Variants in SLC26A4 observed in about 807,000 individuals in gnomAD.
SLC26A4 encodes the protein solute carrier family 26 member 4.
Under a neutral mutation model 90.4 loss-of-function variants are expected in SLC26A4, and 93 were observed. That is an observed-to-expected ratio of 1.03 (90% CI 0.87 to 1.22). The LOEUF is 1.22. SLC26A4 is among the 50% of genes most tolerant of loss of function. SLC26A4 has a pLI of 0.00. For missense variants in SLC26A4, 1,127 were observed against 946.2 expected, an observed-to-expected ratio of 1.19 and a Z score of -2.51; for synonymous variants, 393 against 354.6, an observed-to-expected ratio of 1.11 and a Z score of -1.22.
At position 107,674,986 on chromosome 7, in the gene SLC26A4, C is replaced by T. The variant is rs747484096; in HGVS notation, c.642C>T (p.Tyr214=). The change falls in exon 6 of 21, where the codon TAC becomes TAT. Residue 214 remains tyrosine (Y), a synonymous_variant. Transcript: ENST00000644269. ...TGCAGATTGGATTCATAGTGAGGTA[C>T]TTGGCAGATCCTTTGGTTGGTGGCT... is the stretch of plus-strand genomic sequence containing the variant. ...GGLQIGFIVR[Y]LADPLVGGFT... is the part of the protein sequence containing the mutation. 4 of 1,613,970 alleles carry T rather than the reference C, an allele frequency of 2.5e-6. No individual in the cohort carries two copies. Among genetic ancestry groups the T allele is most frequent in the South Asian group, 1.1e-5 (1 of 91,058 alleles).
rs148313036 is a variant in SLC26A4, at chr7:107,683,354, G to A, written c.918G>A (p.Val306=). 2 of 1,613,408 alleles carry A rather than the reference G, an allele frequency of 1.2e-6. No individual in the cohort carries two copies. The highest frequency in any genetic ancestry group is 1.7e-5 in the Admixed American group (1 of 59,978). The change falls in exon 7 of 21, where the codon GTG becomes GTA. Residue 306 remains valine (V), a splice_region_variant and synonymous_variant. Coordinates refer to ENST00000644269, the MANE Select transcript of SLC26A4 (RefSeq NM_000441.2). The part of the protein sequence containing the change: ...IPVPIPIEVI[V]TIIATAISYG... ...TCCCTATTCCTATAGAAGTAATTGT[G>A]GTAAGTAGAATATGTAGTTAGAAAG...
At chr7:107,679,472 A>G (rs1480649257) in intron 6 of SLC26A4, among the ~76,000 whole-genome samples, 1 of 152,196 alleles carries the variant, frequency 6.6e-6, no homozygotes. Context: ...TTCAGTTCCA[A>G]TAGTAAACTG....
chr7:107,674,970 G>A lies in SLC26A4; in HGVS notation c.626G>A (p.Gly209Glu). Reference sequence around the variant, plus strand: ...TTGATATTTGGTGGCTTGCAGATTGGATTCATAGTGAGGTACTTGGCAGAT... The same window carrying A: ...TTGATATTTGGTGGCTTGCAGATTGAATTCATAGTGAGGTACTTGGCAGAT... ...IQLIFGGLQI[G>E]FIVRYLADPL... The change falls in exon 6 of 21, where the codon GGA becomes GAA. Residue 209 changes from glycine (G) to glutamate (E), a missense_variant. Coordinates refer to ENST00000644269, the MANE Select transcript of SLC26A4 (RefSeq NM_000441.2). 2 of 1,614,054 alleles carry A rather than the reference G, an allele frequency of 1.2e-6. No individual in the cohort carries two copies. The highest frequency in any genetic ancestry group is 1.7e-6 in the Non-Finnish European group (2 of 1,179,994).
At position 107,679,436 on chromosome 7, in the gene SLC26A4, G is replaced by A. The variant is rs1055534704; in HGVS notation, c.766-3766G>A. On this transcript the variant is annotated intron_variant, in intron 6 of 20. Transcript: ENST00000644269. The stretch of plus-strand genomic sequence containing the variant: ...TGGTCGTGAAGCATTTGTGATATTC[G>A]TAGAGATAAAATAAACAAAAATAAA... Among the ~76,000 whole-genome samples, 79 of 152,098 alleles carry A rather than the reference G, an allele frequency of 5.2e-4. 1 individual carries two copies. The highest frequency in any genetic ancestry group is 1.9e-4 in the East Asian group (1 of 5,202).
chr7:107,668,356 G>A lies in SLC26A4; in HGVS notation c.305-3782G>A, dbSNP rs544770957. Among the ~76,000 whole-genome samples the A allele has an allele frequency of 9.2e-5, 14 of 152,190 alleles. No individual in the cohort carries two copies. In the South Asian group the frequency reaches 1.7e-3, roughly 18 times the overall value. ...GATCGGTTAATTAATTAGAAGCCTC[G>A]TGAGCACAAATAAATGTTGCAATAA... On this transcript the variant is annotated intron_variant, in intron 3 of 20. Coordinates refer to ENST00000644269, the MANE Select transcript of SLC26A4 (RefSeq NM_000441.2).
At chr7:107,686,310 C>T (rs9770946) in intron 8 of SLC26A4, among the ~76,000 whole-genome samples, 2 of 146,198 alleles carry the variant, frequency 1.4e-5, no homozygotes, top group African/African-American at 5.1e-5. Flanking sequence ...CCTCCCTTCC[C>T]TCCCTTCCCT....
At position 107,661,517 on chromosome 7, in the gene SLC26A4, G is replaced by A. The variant is rs1230937901; in HGVS notation, c.-3-122G>A. The A allele has an allele frequency of 5.3e-6, 6 of 1,124,388 alleles. No individual in the cohort carries two copies. In the Admixed American group the frequency reaches 6.0e-5, roughly 11 times the overall value. The allele number at this position is 1,124,388 out of a possible 1,614,324, so 69.7% of individuals were successfully genotyped here. A position where few individuals can be genotyped will look rare whatever the true frequency, so the allele number is the denominator to read the frequency against. On this transcript the variant is annotated intron_variant, in intron 1 of 20. Coordinates refer to ENST00000644269, the MANE Select transcript of SLC26A4 (RefSeq NM_000441.2). This position sits in a 1 kb window ranked among gnomAD's most constrained non-coding sequence, Gnocchi z 5.1. Reference sequence around the variant, plus strand: ...GGGCTGCAGGACGCGGACCAGACTCGCGGTGCAGGGGGGCCTGGCTGCAGC... The same window carrying A: ...GGGCTGCAGGACGCGGACCAGACTCACGGTGCAGGGGGGCCTGGCTGCAGC...
chr7:107,707,688 A>G (rs1011390176), intron 18 of SLC26A4, among the ~76,000 whole-genome samples: 4 of 152,234 alleles, frequency 2.6e-5, no homozygotes, highest in African/African-American at 9.6e-5. Context: ...TATTAATAAC[A>G]TATCTATAAA....
intron 2 of SLC26A4, chr7:107,662,090 A>G (rs939144132): frequency 1.7e-5 from 9 of 515,356 alleles, no homozygotes; most frequent in African/African-American, 1.6e-4. Context: ...TCTCTGAAGG[A>G]AACTTGGAGT....
At chr7:107,715,194 C>T (rs1444603049) in intron 20 of SLC26A4, among the ~76,000 whole-genome samples, 1 of 149,598 alleles carries the variant, frequency 6.7e-6, no homozygotes, top group Non-Finnish European at 1.5e-5. Flanking sequence ...GAGATCACGC[C>T]ACAGCACTCC....
chr7:107,696,057 C>T lies in SLC26A4; in HGVS notation c.1544+18C>T. 7.4e-7 allele frequency: 1 copy of T among 1,343,408 alleles called. No individual in the cohort carries two copies. Among genetic ancestry groups the T allele is most frequent in the Middle Eastern group, 1.8e-4 (1 of 5,522 alleles). 83.2% of individuals were successfully genotyped at this position (1,343,408 alleles called of 1,614,324 possible). On this transcript the variant is annotated intron_variant, in intron 13 of 20. Coordinates refer to ENST00000644269, the MANE Select transcript of SLC26A4 (RefSeq NM_000441.2). ...GTTCAGTTGTGAGTAACGTAAAACC[C>T]AGATTTCCTATAAACAGAACAACAC...
chr7:107,714,286 T>A (rs1359923295), intron 20 of SLC26A4, among the ~76,000 whole-genome samples: 1 of 152,142 alleles, frequency 6.6e-6, no homozygotes, highest in Non-Finnish European at 1.5e-5. Context: ...TTACCTGGTG[T>A]CATAATCAAA....
At chr7:107,677,048 G>A (rs186584857) in intron 6 of SLC26A4, among the ~76,000 whole-genome samples, 83 of 152,174 alleles carry the variant, frequency 5.5e-4, no homozygotes, top group Non-Finnish European at 1.0e-3. Flanking sequence ...ATTGTGGCAC[G>A]CACCTGTAGT....
chr7:107,680,102 T>A (rs1215147573), intron 6 of SLC26A4, among the ~76,000 whole-genome samples: 4 of 93,388 alleles, frequency 4.3e-5, no homozygotes, highest in African/African-American at 1.9e-4. Context: ...TATAATCTTA[T>A]CTTATTATAT....
chr7:107,678,428 T>A (rs1019671448), intron 6 of SLC26A4, among the ~76,000 whole-genome samples: 1 of 152,154 alleles, frequency 6.6e-6, no homozygotes, highest in East Asian at 1.9e-4. Flanking sequence ...CCATGGCCAT[T>A]TCAGGACCCC....
intron 3 of SLC26A4, 58 bp from the exon 4 acceptor site, chr7:107,672,080 A>C (rs1252062133): frequency 2.9e-6 from 3 of 1,035,882 alleles, no homozygotes; most frequent in Non-Finnish European, 4.6e-6. Flanking sequence ...TAAGTTGAGG[A>C]CTTTCTGCAT....
At chr7:107,690,280 C>CGAGGAATG in intron 10 of SLC26A4, 43 bp downstream of exon 10, 1 of 1,168,298 alleles carries the variant, frequency 8.6e-7, no homozygotes, top group Non-Finnish European at 1.3e-6. Flanking sequence ...GAGAACAAGT[C>CGAGGAATG]GAGGAATGGC....
rs786204601 is a variant in SLC26A4, at chr7:107,696,013, GT to G, written c.1520del (p.Leu507Ter). 1 of 1,608,114 alleles carries G rather than the reference GT, an allele frequency of 6.2e-7. No homozygotes were observed. The highest frequency in any genetic ancestry group is 2.2e-5 in the East Asian group (1 of 44,830). The part of the protein sequence containing the change: ...GLLAGLIFGL[L>X]TVVLRVQFPS... Reference sequence around the variant, plus strand: ...TACTAGCTGGCCTTATATTTGGACTGTTGACTGTGGTCCTGAGAGTTCAGTT... The same window carrying G: ...TACTAGCTGGCCTTATATTTGGACTGTGACTGTGGTCCTGAGAGTTCAGTT... On this transcript the variant is annotated frameshift_variant, in exon 13 of 21. Transcript: ENST00000644269. LOFTEE classifies it high-confidence loss of function.
intron 10 of SLC26A4, chr7:107,691,793 T>C: frequency 2.0e-6 from 2 of 1,015,232 alleles, no homozygotes; most frequent in Non-Finnish European, 2.4e-6. Flanking sequence ...TTTGCAAATA[T>C]TTCCAGCTCT....
Sources: allele counts gnomAD v4.1 joint callset (sites outside exome capture counted in the v4.1 genomes callset), GRCh38; gene constraint gnomAD v4.1.1; non-coding constraint Gnocchi (gnomAD v3.1); transcripts MANE v1.5; gene names NCBI Gene and HGNC (gene_info 2026-07-23, HGNC 2026-07-21).